The following GALNT18 variants were observed in gnomAD, a reference collection of about 807,000 sequenced individuals.
GALNT18 encodes GalNAc-transferase 18.
A neutral mutation model predicts 69.5 loss-of-function variants in GALNT18; 44 were observed. That is an observed-to-expected ratio of 0.63 (90% CI 0.50 to 0.81). The LOEUF is 0.81. GALNT18 is among the 40% of genes least tolerant of loss of function. The pLI, the probability that GALNT18 is intolerant of heterozygous loss-of-function variation, is 0.00. For missense variants in GALNT18, 715 were observed against 810.0 expected (o/e 0.88, Z 1.42); for synonymous variants, 364 against 318.2 (o/e 1.14, Z -1.53).
chr11:11,504,439 G>GAA (rs11379207), intron 1 of GALNT18, among the ~76,000 whole-genome samples: 108 of 150,126 alleles, frequency 7.2e-4, no homozygotes, highest in Middle Eastern at 3.4e-3. Context: ...TTATTGAAAA[G>GAA]AAAAAAAAAA....
intron 1 of GALNT18, among the ~76,000 whole-genome samples, chr11:11,537,488 G>C (rs1178633688): frequency 6.6e-6 from 1 of 152,182 alleles, no homozygotes; most frequent in Non-Finnish European, 1.5e-5. Flanking sequence ...TAGACAGGGA[G>C]CTGAGAAGAA....
intron 1 of GALNT18, among the ~76,000 whole-genome samples, chr11:11,468,907 A>G (rs1388248582): frequency 2.0e-5 from 3 of 152,228 alleles, no homozygotes; most frequent in African/African-American, 7.2e-5. Flanking sequence ...TTCGTTCTCC[A>G]GTGTGAGATG....
chr11:11,509,725 G>T (rs1289309237), intron 1 of GALNT18, among the ~76,000 whole-genome samples: 3 of 152,250 alleles, frequency 2.0e-5, no homozygotes, highest in Non-Finnish European at 4.4e-5. Flanking sequence ...CTAGCCACTG[G>T]CAGAGAGCAG....
chr11:11,490,141 A>T (rs1424349641), intron 1 of GALNT18, among the ~76,000 whole-genome samples: 2 of 151,780 alleles, frequency 1.3e-5, no homozygotes, highest in Non-Finnish European at 2.9e-5. Context: ...GAGCAGGTCC[A>T]TTATCATGGG....
chr11:11,310,562 A>AC (rs1442311266), intron 9 of GALNT18, among the ~76,000 whole-genome samples: 3 of 151,962 alleles, frequency 2.0e-5, no homozygotes, highest in African/African-American at 7.3e-5. Context: ...TCTTTTAAAA[A>AC]GTGTCCTTCA....
chr11:11,493,302 G>C (rs1356465323), intron 1 of GALNT18, among the ~76,000 whole-genome samples: 1 of 145,610 alleles, frequency 6.9e-6, no homozygotes, highest in African/African-American at 2.5e-5. Flanking sequence ...AAAATTTCTT[G>C]GACCTCAGTA....
chr11:11,604,912 C>CA lies in GALNT18; in HGVS notation c.235+16446dup, dbSNP rs1859712102. Among the ~76,000 whole-genome samples the CA allele has an allele frequency of 6.6e-6, 1 of 152,078 alleles. No homozygotes were observed. The highest frequency in any genetic ancestry group is 2.4e-5 in the African/African-American group (1 of 41,404). ...AAATCACTGCTCTCCTCGGTTGACC[C>CA]ACTGGCTATTGCTCCTGGCCGTGAG... On this transcript the variant is annotated intron_variant, in intron 1 of 10. Transcript: ENST00000227756. This position sits in a 1 kb window ranked among gnomAD's most constrained non-coding sequence, Gnocchi z 5.6.
rs560552586 is a variant in GALNT18, at chr11:11,604,788, T to C, written c.235+16571A>G. On this transcript the variant is annotated intron_variant, in intron 1 of 10. Coordinates refer to ENST00000227756, the MANE Select transcript of GALNT18 (RefSeq NM_198516.3). The surrounding 1 kb of genome is among the most constrained non-coding windows in gnomAD (Gnocchi z 5.6). ...AGTTTGGTATTAACTAGCTCAGCCA[T>C]GCAGGGAGGCATAATTAGTTTCCCG... Among the ~76,000 whole-genome samples the C allele has an allele frequency of 3.3e-4, 51 of 152,246 alleles. No individual in the cohort carries two copies. The highest frequency in any genetic ancestry group is 1.2e-3 in the African/African-American group (49 of 41,544).
rs1208820374 is a variant in GALNT18, at chr11:11,614,256, C to T, written c.235+7103G>A. 6.6e-6 allele frequency among the ~76,000 whole-genome samples: 1 copy of T among 151,922 alleles called. No individual in the cohort carries two copies. The highest frequency in any genetic ancestry group is 2.4e-5 in the African/African-American group (1 of 41,304). Reference sequence around the variant, plus strand: ...AGCATCTGCTAGGCTCCTGGGGAGACTCCAGGAAGCTTACAATCACAGCAG... The same window carrying T: ...AGCATCTGCTAGGCTCCTGGGGAGATTCCAGGAAGCTTACAATCACAGCAG... On this transcript the variant is annotated intron_variant, in intron 1 of 10. Coordinates refer to ENST00000227756, the MANE Select transcript of GALNT18 (RefSeq NM_198516.3). The surrounding 1 kb of genome is among the most constrained non-coding windows in gnomAD (Gnocchi z 5.6).
Position 11,577,473 on chromosome 11 carries a change from C to T in GALNT18, c.235+43886G>A, listed in dbSNP as rs559259184. 6.4e-4 allele frequency among the ~76,000 whole-genome samples: 97 copies of T among 152,296 alleles called. 2 individuals carry two copies. The highest frequency in any genetic ancestry group is 6.8e-3 in the Middle Eastern group (2 of 294). On this transcript the variant is annotated intron_variant, in intron 1 of 10. Transcript: ENST00000227756. Reference sequence around the variant, plus strand: ...TCACCACTGTGTGCCAGAAAGGAAGCCACTCACACACTGCATAGTGCAAAA... The same window carrying T: ...TCACCACTGTGTGCCAGAAAGGAAGTCACTCACACACTGCATAGTGCAAAA...
intron 6 of GALNT18, among the ~76,000 whole-genome samples, chr11:11,362,970 A>G (rs2133082701): frequency 6.6e-6 from 1 of 152,360 alleles, no homozygotes; most frequent in Non-Finnish European, 1.5e-5. Flanking sequence ...GTAGTATGCA[A>G]CCGTAAGAAA....
intron 1 of GALNT18, among the ~76,000 whole-genome samples, chr11:11,502,301 C>T (rs1389432873): frequency 1.3e-5 from 2 of 152,330 alleles, no homozygotes; most frequent in African/African-American, 4.8e-5. Flanking sequence ...TACCATCTGA[C>T]GTGGCTCCTA....
chr11:11,545,821 G>A (rs183233351), intron 1 of GALNT18, among the ~76,000 whole-genome samples: 3 of 152,310 alleles, frequency 2.0e-5, no homozygotes, highest in Admixed American at 6.5e-5. Flanking sequence ...TGAGCTACCT[G>A]CATAAATGCA....
rs568427029 is a variant in GALNT18, at chr11:11,620,137, G to A, written c.235+1222C>T. Among the ~76,000 whole-genome samples, 1 of 151,610 alleles carries A rather than the reference G, an allele frequency of 6.6e-6. No homozygotes were observed. Among genetic ancestry groups the A allele is most frequent in the Non-Finnish European group, 1.5e-5 (1 of 67,874 alleles). On this transcript the variant is annotated intron_variant, in intron 1 of 10. Transcript: ENST00000227756. The surrounding 1 kb of genome is among the most constrained non-coding windows in gnomAD (Gnocchi z 6.9). ...TAAACAAAAGGGAGTGCTCCTGGCGGGGGGGTGGGGGGTAAGCCTTCAGTT... is the reference window on the plus strand; with the variant it reads ...TAAACAAAAGGGAGTGCTCCTGGCGAGGGGGTGGGGGGTAAGCCTTCAGTT...
Position 11,271,201 on chromosome 11 carries a change from C to T in GALNT18, c.1767G>A (p.Gln589=), listed in dbSNP as rs375245335. ...DLEFGFQLVL[Q]KCSGQHWSIT... Reference sequence around the variant, plus strand: ...TGCTCCAGTGCTGGCCCGAGCACTTCTGCAACACCAGCTGGAAGCCGAACT... The same window carrying T: ...TGCTCCAGTGCTGGCCCGAGCACTTTTGCAACACCAGCTGGAAGCCGAACT... The change falls in exon 11 of 11, where the codon CAG becomes CAA. Residue 589 remains glutamine (Q), a synonymous_variant. Transcript: ENST00000227756. The T allele has an allele frequency of 2.0e-5, 33 of 1,614,014 alleles. No individual in the cohort carries two copies. Among genetic ancestry groups the T allele is most frequent in the Middle Eastern group, 3.3e-4 (2 of 6,082 alleles).
chr11:11,522,074 C>T (rs947447790), intron 1 of GALNT18, among the ~76,000 whole-genome samples: 4 of 152,110 alleles, frequency 2.6e-5, no homozygotes, highest in Non-Finnish European at 5.9e-5. Context: ...CACACTGGGG[C>T]GGGATGACTT....
At position 11,308,536 on chromosome 11, in the gene GALNT18, C is replaced by T. The variant is rs193109452; in HGVS notation, c.1513-15343G>A. Among the ~76,000 whole-genome samples, 320 of 152,194 alleles carry T rather than the reference C, an allele frequency of 2.1e-3. 1 individual carries two copies. Among genetic ancestry groups the T allele is most frequent in the African/African-American group, 7.1e-3 (293 of 41,528 alleles). On this transcript the variant is annotated intron_variant, in intron 9 of 10. Coordinates refer to ENST00000227756, the MANE Select transcript of GALNT18 (RefSeq NM_198516.3). ...GGATGGCCCTTTCCAACAAAACAAA[C>T]CTTTCCTTTCCCACCAAACAAGGCT... is the stretch of plus-strand genomic sequence containing the variant.
chr11:11,594,999 G>GTGTA (rs997617818), intron 1 of GALNT18, among the ~76,000 whole-genome samples: 14 of 147,794 alleles, frequency 9.5e-5, no homozygotes, highest in Non-Finnish European at 1.6e-4. Context: ...GTGTGTGTGT[G>GTGTA]TATATATATC....
chr11:11,379,754 G>C (rs970307407), intron 3 of GALNT18, among the ~76,000 whole-genome samples: 1 of 152,202 alleles, frequency 6.6e-6, no homozygotes, highest in Non-Finnish European at 1.5e-5. Flanking sequence ...CCCAGGATCC[G>C]CTCTCTGCCT....
Sources: gnomAD v4.1 joint callset for allele counts (sites outside exome capture counted in the v4.1 genomes callset) on GRCh38, gnomAD v4.1.1 for gene constraint, Gnocchi (gnomAD v3.1) non-coding constraint, MANE v1.5 for transcripts, NCBI Gene and HGNC (gene_info 2026-07-23, HGNC 2026-07-21) for gene names.